The following KCNA1 variants were observed in gnomAD, a reference collection of about 807,000 sequenced individuals.
KCNA1 encodes potassium channel, voltage gated shaker related subfamily A, member 1.
KCNA1 carries 19 observed loss-of-function variants against 28.8 expected under a neutral mutation model. The ratio of observed to expected loss-of-function variants is 0.66; its 90% CI spans 0.46 to 0.97. The LOEUF (loss-of-function observed/expected upper bound fraction) is 0.97, where lower values mean the gene tolerates loss of function less well. KCNA1 is among the 50% of genes least tolerant of loss of function. The pLI, the probability that KCNA1 is intolerant of heterozygous loss-of-function variation, is 0.00. For synonymous variants in KCNA1, 311 were observed against 268.8 expected (o/e 1.16, Z -1.53); for missense variants, 419 against 659.7 (o/e 0.64, Z 4.00).
rs866426666 is a variant in KCNA1 at position 4,916,674 on chromosome 12, C to A, written c.*3808C>A. On this transcript the variant is annotated 3_prime_UTR_variant, in exon 2 of 2. Transcript: ENST00000382545. ...CTTCTCCAGGATTCTGGCCAGTGGG[C>A]AGTCATTTCCCTGAAATGAATTGTA... 1 of 167,034 alleles carries A rather than the reference C, an allele frequency of 6.0e-6. No individual in the cohort carries two copies. The highest frequency in any genetic ancestry group is 1.5e-5 in the Non-Finnish European group (1 of 68,114). 10.3% of individuals were successfully genotyped at this position (167,034 alleles called of 1,614,324 possible). A position where few individuals can be genotyped will look rare whatever the true frequency, so the allele number is the denominator to read the frequency against.
rs1454223309 is a variant in KCNA1, at chr12:4,912,922, A to G, written c.*56A>G. 10 of 1,214,680 alleles carry G rather than the reference A, an allele frequency of 8.2e-6. No homozygotes were observed. Among genetic ancestry groups the G allele is most frequent in the Non-Finnish European group, 1.1e-5 (9 of 816,916 alleles). 75.2% of individuals were successfully genotyped at this position (1,214,680 alleles called of 1,614,324 possible). A position where few individuals can be genotyped will look rare whatever the true frequency, so the allele number is the denominator to read the frequency against. On this transcript the variant is annotated 3_prime_UTR_variant, in exon 2 of 2. Transcript: ENST00000382545. ...ACTTAGCAGCTCAAAAGACTTAAAA[A>G]ACAAAACAGAAAACCTAGTGACTCA... is the stretch of plus-strand genomic sequence containing the variant.
rs998975219 is a variant in KCNA1, at chr12:4,913,960, A to G, written c.*1094A>G. 5 of 167,084 alleles carry G rather than the reference A, an allele frequency of 3.0e-5. No homozygotes were observed. The highest frequency in any genetic ancestry group is 5.9e-5 in the Non-Finnish European group (4 of 68,122). 10.4% of individuals were successfully genotyped at this position (167,084 alleles called of 1,614,324 possible). On this transcript the variant is annotated 3_prime_UTR_variant, in exon 2 of 2. Coordinates refer to ENST00000382545, the MANE Select transcript of KCNA1 (RefSeq NM_000217.3). Reference sequence around the variant, plus strand: ...ACAATAACTTTTTGGAGCTCAAAGCATGTTCTCTTATTCAGCATTATGGCC... The same window carrying G: ...ACAATAACTTTTTGGAGCTCAAAGCGTGTTCTCTTATTCAGCATTATGGCC...
At position 4,916,336 on chromosome 12, in the gene KCNA1, AGTTCAATAGGGT is replaced by A. The variant is rs746575330; in HGVS notation, c.*3472_*3483del. ...CTCTCTTCCAGTCTATTGGGGCCCT[AGTTCAATAGGGT>A]GGCAATAGAAGAGTTGGTCACACCA... On this transcript the variant is annotated 3_prime_UTR_variant, in exon 2 of 2. Transcript: ENST00000382545. 1.2e-5 allele frequency: 2 copies of A among 166,942 alleles called. No homozygotes were observed. The highest frequency in any genetic ancestry group is 2.9e-5 in the Non-Finnish European group (2 of 68,116). The allele number at this position is 166,942 out of a possible 1,614,324, so 10.3% of individuals were successfully genotyped here. A position where few individuals can be genotyped will look rare whatever the true frequency, so the allele number is the denominator to read the frequency against.
In KCNA1 at chr12:4,915,141, C is replaced by T. The variant is rs1947377102; in HGVS notation, c.*2275C>T. On this transcript the variant is annotated 3_prime_UTR_variant, in exon 2 of 2. Transcript: ENST00000382545. ...GTTGAACATCTAACTTCTGCTGCCC[C>T]CCCGTTACCCAGCCCAGAGAATGGT... The T allele has an allele frequency of 6.0e-6, 1 of 167,202 alleles. No individual in the cohort carries two copies. Among genetic ancestry groups the T allele is most frequent in the African/African-American group, 2.4e-5 (1 of 41,438 alleles). 10.4% of individuals were successfully genotyped at this position (167,202 alleles called of 1,614,324 possible).
chr12:4,915,487 C>G lies in KCNA1; in HGVS notation c.*2621C>G, dbSNP rs1402030374. 6.0e-6 allele frequency: 1 copy of G among 167,098 alleles called. No individual in the cohort carries two copies. The highest frequency in any genetic ancestry group is 1.5e-5 in the Non-Finnish European group (1 of 68,124). 10.4% of individuals were successfully genotyped at this position (167,098 alleles called of 1,614,324 possible). A position where few individuals can be genotyped will look rare whatever the true frequency, so the allele number is the denominator to read the frequency against. ...ATGGATATCTTATTTTCCTATGTGA[C>G]TTTTGTGAATCTGTGAGATGAACAC... On this transcript the variant is annotated 3_prime_UTR_variant, in exon 2 of 2. Coordinates refer to ENST00000382545, the MANE Select transcript of KCNA1 (RefSeq NM_000217.3).
chr12:4,916,224 C>T lies in KCNA1; in HGVS notation c.*3358C>T, dbSNP rs1235380489. 1 of 167,024 alleles carries T rather than the reference C, an allele frequency of 6.0e-6. No homozygotes were observed. The highest frequency in any genetic ancestry group is 1.5e-5 in the Non-Finnish European group (1 of 68,114). 10.3% of individuals were successfully genotyped at this position (167,024 alleles called of 1,614,324 possible). ...GCCTTTTTACCTTTTCTTCCCCTTCCTAGGCATGGAGCTGTAACAGCTCAT... is the reference window on the plus strand; with the variant it reads ...GCCTTTTTACCTTTTCTTCCCCTTCTTAGGCATGGAGCTGTAACAGCTCAT... On this transcript the variant is annotated 3_prime_UTR_variant, in exon 2 of 2. Coordinates refer to ENST00000382545, the MANE Select transcript of KCNA1 (RefSeq NM_000217.3).
At position 4,912,015 on chromosome 12, in the gene KCNA1, A is replaced by T; in HGVS notation, c.637A>T (p.Asn213Tyr). The T allele has an allele frequency of 1.2e-6, 2 of 1,614,068 alleles. No individual in the cohort carries two copies. Among genetic ancestry groups the T allele is most frequent in the Non-Finnish European group, 1.7e-6 (2 of 1,180,016 alleles). ...HRIDNTTVIY[N>Y]SNIFTDPFFI... is the part of the protein sequence containing the mutation. ...CATCGACAACACCACGGTCATCTAC[A>T]ATTCCAACATCTTCACAGACCCCTT... is the stretch of plus-strand genomic sequence containing the variant. Residue 213 changes from asparagine to tyrosine, a missense_variant, in exon 2 of 2, where the codon AAT (asparagine) becomes TAT (tyrosine). Physicochemically the swap from Asn to Tyr is moderately radical, Grantham distance 143. Coordinates refer to ENST00000382545, the MANE Select transcript of KCNA1 (RefSeq NM_000217.3).
Position 4,913,060 on chromosome 12 carries a change from A to T in KCNA1, c.*194A>T. The T allele has an allele frequency of 1.6e-6, 1 of 620,968 alleles. No individual in the cohort carries two copies. The highest frequency in any genetic ancestry group is 2.8e-5 in the East Asian group (1 of 35,828). The allele number at this position is 620,968 out of a possible 1,614,324, so 38.5% of individuals were successfully genotyped here. ...GGTGAACCAGAAGCTTTCAAGATCC[A>T]TGACAAAATAAACTATTTTCCTTTT... On this transcript the variant is annotated 3_prime_UTR_variant, in exon 2 of 2. Coordinates refer to ENST00000382545, the MANE Select transcript of KCNA1 (RefSeq NM_000217.3).
In KCNA1 at chr12:4,911,075, C is replaced by A. The variant is rs2137672083; in HGVS notation, c.-304C>A. Reference sequence around the variant, plus strand: ...GGCACCTGGGATCAGGAAGAAATATCTAAACAACAACAACAGAAAACCAAC... The same window carrying A: ...GGCACCTGGGATCAGGAAGAAATATATAAACAACAACAACAGAAAACCAAC... On this transcript the variant is annotated 5_prime_UTR_variant, in exon 2 of 2. Transcript: ENST00000382545. This position sits in a 1 kb window ranked among gnomAD's most constrained non-coding sequence, Gnocchi z 6.6. 1 of 505,854 alleles carries A rather than the reference C, an allele frequency of 2.0e-6. No homozygotes were observed. Among genetic ancestry groups the A allele is most frequent in the Non-Finnish European group, 3.6e-6 (1 of 279,108 alleles). The allele number at this position is 505,854 out of a possible 1,614,324, so 31.3% of individuals were successfully genotyped here.
At position 4,915,894 on chromosome 12, in the gene KCNA1, T is replaced by C. The variant is rs965735741; in HGVS notation, c.*3028T>C. 1 of 167,144 alleles carries C rather than the reference T, an allele frequency of 6.0e-6. No individual in the cohort carries two copies. Among genetic ancestry groups the C allele is most frequent in the African/African-American group, 2.4e-5 (1 of 41,458 alleles). 10.4% of individuals were successfully genotyped at this position (167,144 alleles called of 1,614,324 possible). A position where few individuals can be genotyped will look rare whatever the true frequency, so the allele number is the denominator to read the frequency against. On this transcript the variant is annotated 3_prime_UTR_variant, in exon 2 of 2. Transcript: ENST00000382545. ...CTGGTTGATTCTTCTGCATGTGATA[T>C]AGAAAAAAGTGCTGCATGCGGTGAA... is the stretch of plus-strand genomic sequence containing the variant.
chr12:4,912,756 G>A lies in KCNA1; in HGVS notation c.1378G>A (p.Asp460Asn), dbSNP rs754731331. The A allele has an allele frequency of 9.3e-6, 15 of 1,613,984 alleles. No homozygotes were observed. The highest frequency in any genetic ancestry group is 1.3e-5 in the Non-Finnish European group (15 of 1,180,006). The change falls in exon 2 of 2, where the codon GAT becomes AAT. Residue 460 changes from aspartate to asparagine, a missense_variant. Asp to Asn is a conservative substitution (Grantham distance 23, BLOSUM62 1). Around this residue, in one of 4 missense-constraint regions of KCNA1, gnomAD observed 81 missense variants for 86.5 expected, o/e 0.94. Transcript: ENST00000382545. ...GTCTGAGTACATGGAGATCGAAGAG[G>A]ATATGAATAATAGCATAGCCCATTA... The part of the protein sequence containing the change: ...SKSEYMEIEE[D>N]MNNSIAHYRQ...
Position 4,911,801 on chromosome 12 carries a change from G to A in KCNA1, c.423G>A (p.Glu141=), listed in dbSNP as rs1947353441. 3.1e-6 allele frequency: 5 copies of A among 1,613,872 alleles called. No homozygotes were observed. In the East Asian group the frequency reaches 1.1e-4, roughly 36 times the overall value. ...ACGAGGGCTTCATCAAGGAGGAGGA[G>A]CGCCCTCTGCCCGAGAAGGAGTACC... ...REDEGFIKEE[E]RPLPEKEYQR... Residue 141 remains glutamate, a synonymous_variant, in exon 2 of 2, where the codon GAG becomes GAA. Coordinates refer to ENST00000382545, the MANE Select transcript of KCNA1 (RefSeq NM_000217.3). The surrounding 1 kb of genome is among the most constrained non-coding windows in gnomAD (Gnocchi z 6.6).
rs1011447870 is a variant in KCNA1, at chr12:4,916,295, C to G, written c.*3429C>G. The G allele has an allele frequency of 1.8e-5, 3 of 167,086 alleles. No individual in the cohort carries two copies. The East Asian group carries it at 5.8e-4, about 32-fold the overall frequency. The allele number at this position is 167,086 out of a possible 1,614,324, so 10.4% of individuals were successfully genotyped here. A position where few individuals can be genotyped will look rare whatever the true frequency, so the allele number is the denominator to read the frequency against. On this transcript the variant is annotated 3_prime_UTR_variant, in exon 2 of 2. Transcript: ENST00000382545. ...CCAGAAGGAGAAGACTTCTGATGTGCTGATAGCTATAATTCCTCTCTTCCA... is the reference window on the plus strand; with the variant it reads ...CCAGAAGGAGAAGACTTCTGATGTGGTGATAGCTATAATTCCTCTCTTCCA...
rs1240945980 is a variant in KCNA1 at position 4,911,535 on chromosome 12, A to C, written c.157A>C (p.Lys53Gln). ...CGGGCTGCGCTTCGAGACGCAGCTC[A>C]AGACCCTGGCGCAGTTCCCCAACAC... ...ISGLRFETQL[K>Q]TLAQFPNTLL... The change falls in exon 2 of 2, where the codon AAG (lysine) becomes CAG (glutamine). Residue 53 changes from lysine to glutamine, a missense_variant. Coordinates refer to ENST00000382545, the MANE Select transcript of KCNA1 (RefSeq NM_000217.3). The surrounding 1 kb of genome is among the most constrained non-coding windows in gnomAD (Gnocchi z 6.6). The C allele has an allele frequency of 6.2e-7, 1 of 1,614,204 alleles. No individual in the cohort carries two copies. The highest frequency in any genetic ancestry group is 8.5e-7 in the Non-Finnish European group (1 of 1,180,040).
rs763462393 is a variant in KCNA1, at chr12:4,911,708, G to A, written c.330G>A (p.Leu110=). Residue 110 remains leucine (L), a synonymous_variant, in exon 2 of 2, where the codon CTG becomes CTA. Coordinates refer to ENST00000382545, the MANE Select transcript of KCNA1 (RefSeq NM_000217.3). The surrounding 1 kb of genome is among the most constrained non-coding windows in gnomAD (Gnocchi z 6.6). ...TGCGGAGGCCGGTCAACGTGCCCCT[G>A]GACATGTTCTCCGAGGAGATCAAGT... ...GRLRRPVNVP[L]DMFSEEIKFY... 2 of 1,614,180 alleles carry A rather than the reference G, an allele frequency of 1.2e-6. No individual in the cohort carries two copies. Among genetic ancestry groups the A allele is most frequent in the Non-Finnish European group, 1.7e-6 (2 of 1,180,040 alleles).
In KCNA1 at chr12:4,917,607, C is replaced by T. The variant is rs775790134; in HGVS notation, c.*4741C>T. On this transcript the variant is annotated 3_prime_UTR_variant, in exon 2 of 2. Transcript: ENST00000382545. ...GCCCTGCTGACCTCAGGGCTTTTCG[C>T]TTTAAGGAGATTAACCCTAGTCACA... 7 of 167,064 alleles carry T rather than the reference C, an allele frequency of 4.2e-5. No homozygotes were observed. Among genetic ancestry groups the T allele is most frequent in the Non-Finnish European group, 7.3e-5 (5 of 68,128 alleles). 10.3% of individuals were successfully genotyped at this position (167,064 alleles called of 1,614,324 possible).
rs1353399202 is a variant in KCNA1, at chr12:4,917,662, T to G, written c.*4796T>G. 6.0e-6 allele frequency: 1 copy of G among 167,022 alleles called. No individual in the cohort carries two copies. The highest frequency in any genetic ancestry group is 1.5e-5 in the Non-Finnish European group (1 of 68,118). The allele number at this position is 167,022 out of a possible 1,614,324, so 10.3% of individuals were successfully genotyped here. On this transcript the variant is annotated 3_prime_UTR_variant, in exon 2 of 2. Coordinates refer to ENST00000382545, the MANE Select transcript of KCNA1 (RefSeq NM_000217.3). ...TTTTCATTTAGGAGCTAACTAGGAG[T>G]TTACTCTTTATGACGTGAAACTTCA...
chr12:4,911,468 C>T lies in KCNA1; in HGVS notation c.90C>T (p.His30=), dbSNP rs1692046931. The part of the protein sequence containing the change: ...QDGSYPRQAD[H]DDHECCERVV... ...GCAGCTACCCCCGGCAGGCCGACCA[C>T]GACGACCACGAGTGCTGCGAGCGCG... The change falls in exon 2 of 2, where the codon CAC becomes CAT. Residue 30 remains histidine (H), a synonymous_variant. Transcript: ENST00000382545. The surrounding 1 kb of genome is among the most constrained non-coding windows in gnomAD (Gnocchi z 6.6). 6.2e-7 allele frequency: 1 copy of T among 1,613,904 alleles called. No individual in the cohort carries two copies. The highest frequency in any genetic ancestry group is 1.7e-5 in the Admixed American group (1 of 60,004).
Position 4,911,224 on chromosome 12 carries a change from T to A in KCNA1, c.-155T>A. 1.6e-6 allele frequency: 1 copy of A among 624,470 alleles called. No individual in the cohort carries two copies. Among genetic ancestry groups the A allele is most frequent in the Non-Finnish European group, 2.8e-6 (1 of 356,970 alleles). 38.7% of individuals were successfully genotyped at this position (624,470 alleles called of 1,614,324 possible). On this transcript the variant is annotated 5_prime_UTR_variant, in exon 2 of 2. Coordinates refer to ENST00000382545, the MANE Select transcript of KCNA1 (RefSeq NM_000217.3). The surrounding 1 kb of genome is among the most constrained non-coding windows in gnomAD (Gnocchi z 6.6). ...GCAGCGAGAGGCAAAGTCGCAGATC[T>A]CCCGACCTGCTCGTGTTGAAGCACC...
Sources: allele counts gnomAD v4.1 joint callset, GRCh38; gene constraint gnomAD v4.1.1; regional missense constraint gnomAD v4.1.1; non-coding constraint Gnocchi (gnomAD v3.1); transcripts MANE v1.5; gene names NCBI Gene and HGNC (gene_info 2026-07-23, HGNC 2026-07-21).